PPARD: variants seen among roughly 807,000 people sequenced by gnomAD.
PPARD encodes peroxisome proliferator activated receptor delta.
A neutral mutation model predicts 39.5 loss-of-function variants in PPARD; 6 were observed. The ratio of observed to expected loss-of-function variants is 0.15; its 90% CI spans 0.08 to 0.30. PPARD has a LOEUF of 0.30. Ranked by LOEUF, PPARD falls within the 10% of genes least tolerant of loss-of-function variation. PPARD has a pLI of 1.00. For synonymous variants in PPARD, 210 were observed against 231.3 expected, an observed-to-expected ratio of 0.91 and a Z score of 0.83; for missense variants, 397 against 596.8, an observed-to-expected ratio of 0.67 and a Z score of 3.49.
intron 2 of PPARD, among the ~76,000 whole-genome samples, chr6:35,393,679 A>C (rs763454956): frequency 6.6e-6 from 1 of 152,128 alleles, no homozygotes; most frequent in Non-Finnish European, 1.5e-5. Flanking sequence ...CAATTTTCTG[A>C]ATCTCTAGGG....
At chr6:35,405,000 T>TGTGTAC (rs1562211254) in intron 2 of PPARD, among the ~76,000 whole-genome samples, 1 of 142,324 alleles carries the variant, frequency 7.0e-6, no homozygotes, top group African/African-American at 2.5e-5. Context: ...TGTGTGTGTG[T>TGTGTAC]ACACACATAC....
At chr6:35,413,134 T>C (rs553163472) in intron 3 of PPARD, among the ~76,000 whole-genome samples, 1 of 152,364 alleles carries the variant, frequency 6.6e-6, no homozygotes, top group South Asian at 2.1e-4. Flanking sequence ...ACACCCCTTC[T>C]TGGGACCAGG....
In PPARD at chr6:35,426,108, C is replaced by T. The variant is rs1766558075; in HGVS notation, c.*29C>T. 2.5e-6 allele frequency: 4 copies of T among 1,600,900 alleles called. No homozygotes were observed. Among genetic ancestry groups the T allele is most frequent in the Non-Finnish European group, 3.4e-6 (4 of 1,176,840 alleles). On this transcript the variant is annotated 3_prime_UTR_variant, in exon 8 of 8. Transcript: ENST00000360694. The stretch of plus-strand genomic sequence containing the variant: ...CGGCACCCAGGCCTCCCTGCAGACT[C>T]CAATGGGGCCAGCACTGGAGGGGCC...
intron 5 of PPARD, 83 bp downstream of exon 5, chr6:35,422,041 AG>A (rs1030067118): frequency 8.2e-6 from 12 of 1,466,538 alleles, no homozygotes; most frequent in Non-Finnish European, 4.5e-6. Flanking sequence ...GGGGCAGCCT[AG>A]AGGGGGCACC....
chr6:35,398,840 G>A (rs777374835), intron 2 of PPARD, among the ~76,000 whole-genome samples: 13 of 152,198 alleles, frequency 8.5e-5, no homozygotes, highest in Non-Finnish European at 1.8e-4. Flanking sequence ...TTGGCCAGGC[G>A]CGGTGGCTTA....
intron 2 of PPARD, among the ~76,000 whole-genome samples, chr6:35,376,233 T>C (rs1192188005): frequency 6.6e-6 from 1 of 152,236 alleles, no homozygotes; most frequent in African/African-American, 2.4e-5. Context: ...TCTTAAGTTC[T>C]GGAAAATTTC....
chr6:35,378,270 G>T (rs936454175), intron 2 of PPARD, among the ~76,000 whole-genome samples: 5 of 152,148 alleles, frequency 3.3e-5, no homozygotes, highest in Admixed American at 1.3e-4. Context: ...GGCATTCAGT[G>T]TTGGTAGTTT....
At chr6:35,367,183 G>A (rs182854066) in intron 2 of PPARD, among the ~76,000 whole-genome samples, 14 of 152,296 alleles carry the variant, frequency 9.2e-5, no homozygotes, top group Admixed American at 2.0e-4. Flanking sequence ...AAGAGAGGCC[G>A]GAGGGAACAC....
At position 35,411,098 on chromosome 6, in the gene PPARD, C is replaced by T. The variant is rs1562215943; in HGVS notation, c.11C>T (p.Pro4Leu). 6.4e-7 allele frequency: 1 copy of T among 1,554,522 alleles called. No homozygotes were observed. Among genetic ancestry groups the T allele is most frequent in the South Asian group, 1.2e-5 (1 of 82,508 alleles). The change falls in exon 3 of 8, where the codon CCA (proline) becomes CTA (leucine). Residue 4 changes from proline (P) to leucine (L), a missense_variant. Pro to Leu is a moderately conservative substitution (Grantham distance 98). Coordinates refer to ENST00000360694, the MANE Select transcript of PPARD (RefSeq NM_006238.5). MEQ[P>L]QEEAPEVREE... The stretch of plus-strand genomic sequence containing the variant: ...GAGGGGAGATCAGCCATGGAGCAGC[C>T]ACAGGAGGAAGCCCCTGAGGTCCGG...
At chr6:35,396,533 T>TA (rs34707184) in intron 2 of PPARD, among the ~76,000 whole-genome samples, 5,527 of 109,950 alleles carry the variant, frequency 0.05, 318 homozygotes, top group East Asian at 0.33. Flanking sequence ...TTGTTTTTAT[T>TA]AAAAAAAAAA....
intron 2 of PPARD, among the ~76,000 whole-genome samples, chr6:35,394,327 G>T (rs1199181335): frequency 6.6e-6 from 1 of 152,246 alleles, no homozygotes; most frequent in Non-Finnish European, 1.5e-5. Context: ...CATCTGCAGA[G>T]AATTCCATGA....
intron 2 of PPARD, among the ~76,000 whole-genome samples, chr6:35,400,012 C>T (rs1240332748): frequency 3.9e-5 from 6 of 152,272 alleles, no homozygotes; most frequent in East Asian, 1.9e-4. Flanking sequence ...GGTCAAAGAA[C>T]GTGAACGCTT....
At chr6:35,399,823 TTATTAAA>T (rs1394072134) in intron 2 of PPARD, among the ~76,000 whole-genome samples, 39 of 152,222 alleles carry the variant, frequency 2.6e-4, no homozygotes, top group Admixed American at 2.6e-4. Flanking sequence ...TTCACTTATG[TTATTAAA>T]TATTCTATGA....
Position 35,423,747 on chromosome 6 carries a change from CA to C in PPARD, c.425-184del, listed in dbSNP as rs376633720. Among the ~76,000 whole-genome samples the C allele has an allele frequency of 8.8e-3, 1,230 of 139,248 alleles. 25 individuals carry two copies. In the South Asian group the frequency reaches 0.089, roughly 10 times the overall value. 91.4% of individuals were successfully genotyped at this position (139,248 alleles called of 152,430 possible). On this transcript the variant is annotated intron_variant, in intron 5 of 7. Coordinates refer to ENST00000360694, the MANE Select transcript of PPARD (RefSeq NM_006238.5). ...AATCACTGCTCTTGCAAAGATACAC[CA>C]AAAAAAAAAAAAAATCACATCTTGT...
rs186474094 is a variant in PPARD, at chr6:35,351,289, T to A, written c.-102+4139T>A. Among the ~76,000 whole-genome samples the A allele has an allele frequency of 3.0e-4, 45 of 152,286 alleles. 1 individual carries two copies. The East Asian group carries it at 6.7e-3, about 23-fold the overall frequency. ...ATTCACCCGCGTCGGCCTCCCAAAG[T>A]GCTGGGATTACAGATGTGAGCCACT... On this transcript the variant is annotated intron_variant, in intron 2 of 7. Coordinates refer to ENST00000360694, the MANE Select transcript of PPARD (RefSeq NM_006238.5).
chr6:35,424,027 A>G lies in PPARD; in HGVS notation c.506A>G (p.Asn169Ser), dbSNP rs199863039. ...GLTANEGSQY[N>S]PQVADLKAFS... ...ACTGCAAACGAGGGGAGCCAGTACA[A>G]CCCACAGGTGGCCGACCTGAAGGCC... The change falls in exon 6 of 8, where the codon AAC becomes AGC. Residue 169 changes from asparagine to serine, a missense_variant. Physicochemically the swap from Asn to Ser is conservative, Grantham distance 46. Transcript: ENST00000360694. The surrounding 1 kb of genome is among the most constrained non-coding windows in gnomAD (Gnocchi z 7.1). 1.2e-6 allele frequency: 2 copies of G among 1,614,194 alleles called. No homozygotes were observed. Among genetic ancestry groups the G allele is most frequent in the Non-Finnish European group, 1.7e-6 (2 of 1,180,026 alleles).
chr6:35,404,949 G>A (rs1764930277), intron 2 of PPARD, among the ~76,000 whole-genome samples: 1 of 139,614 alleles, frequency 7.2e-6, no homozygotes, highest in Non-Finnish European at 1.5e-5. Context: ...GTGCACTGCA[G>A]GCTTTGTGTG....
chr6:35,342,793 G>T (rs1180133829), intron 1 of PPARD, 112 bp downstream of exon 1: 1 of 152,324 alleles, frequency 6.6e-6, no homozygotes, highest in Admixed American at 6.5e-5. Context: ...GGAACGGGGT[G>T]CGGGGAGCTG....
rs199854971 is a variant in PPARD at position 35,424,912 on chromosome 6, G to T, written c.1078+133G>T. The T allele has an allele frequency of 1.4e-6, 2 of 1,456,660 alleles. No individual in the cohort carries two copies. The highest frequency in any genetic ancestry group is 1.8e-6 in the Non-Finnish European group (2 of 1,108,148). 90.2% of individuals were successfully genotyped at this position (1,456,660 alleles called of 1,614,324 possible). A position where few individuals can be genotyped will look rare whatever the true frequency, so the allele number is the denominator to read the frequency against. ...CCCTGTGATCTTGGCAGTGGAACAT[G>T]CAAGGCACTGACTGAGCATGCAGGA... is the stretch of plus-strand genomic sequence containing the variant. On this transcript the variant is annotated intron_variant, in intron 7 of 7. Transcript: ENST00000360694. This position sits in a 1 kb window ranked among gnomAD's most constrained non-coding sequence, Gnocchi z 7.1.
Sources: allele counts gnomAD v4.1 joint callset (sites outside exome capture counted in the v4.1 genomes callset), GRCh38; gene constraint gnomAD v4.1.1; non-coding constraint Gnocchi (gnomAD v3.1); transcripts MANE v1.5; gene names NCBI Gene and HGNC (gene_info 2026-07-23, HGNC 2026-07-21).